MAVS: variants seen among roughly 807,000 people sequenced by gnomAD.
MAVS encodes the protein mitochondrial antiviral signaling protein.
In MAVS, 20 loss-of-function variants were observed where a neutral mutation model predicts 30.2. The observed-to-expected ratio is 0.66, with a 90% confidence interval of 0.47 to 0.96. The LOEUF is 0.96. Ranked by LOEUF, MAVS falls within the 40% of genes least tolerant of loss-of-function variation. The probability of loss-of-function intolerance (pLI) is 0.00; values close to 1 mark genes in which losing one functional copy is unlikely to be tolerated. For synonymous variants in MAVS, 278 were observed against 293.9 expected, an observed-to-expected ratio of 0.95 and a Z score of 0.55; for missense variants, 624 against 701.1, an observed-to-expected ratio of 0.89 and a Z score of 1.24.
chr20:3,864,922 G>A (rs1481016180), intron 6 of MAVS, 134 bp downstream of exon 6: 1 of 1,094,842 alleles, frequency 9.1e-7, no homozygotes, highest in Non-Finnish European at 1.3e-6. Flanking sequence ...CTCTCCTTGA[G>A]GGCATACAGA....
At position 3,868,972 on chromosome 20, in the gene MAVS, C is replaced by T. The variant is rs1012424911; in HGVS notation, c.*2825C>T. ...CATGTAGAAAGGGTTGAGGGACCTT[C>T]CCAGTCCCCTAGCCCCGCCTCCCAT... On this transcript the variant is annotated 3_prime_UTR_variant, in exon 7 of 7. Transcript: ENST00000428216. 1.3e-5 allele frequency: 2 copies of T among 152,288 alleles called. No homozygotes were observed. Among genetic ancestry groups the T allele is most frequent in the Admixed American group, 6.6e-5 (1 of 15,260 alleles). 9.4% of individuals were successfully genotyped at this position (152,288 alleles called of 1,614,324 possible). A position where few individuals can be genotyped will look rare whatever the true frequency, so the allele number is the denominator to read the frequency against.
At chr20:3,858,093 C>A (rs185323127) in intron 3 of MAVS, among the ~76,000 whole-genome samples, 95 of 152,220 alleles carry the variant, frequency 6.2e-4, no homozygotes, top group African/African-American at 2.3e-3. Context: ...CGGGACGATG[C>A]GTGTTGAGTA....
chr20:3,851,685 G>A (rs1002504361), intron 1 of MAVS, among the ~76,000 whole-genome samples: 1 of 151,832 alleles, frequency 6.6e-6, no homozygotes, highest in Non-Finnish European at 1.5e-5. Context: ...GCCGGGCATG[G>A]TGGCTCACGC....
At chr20:3,858,802 T>TC (rs896663939) in intron 3 of MAVS, among the ~76,000 whole-genome samples, 12 of 151,706 alleles carry the variant, frequency 7.9e-5, no homozygotes, top group South Asian at 4.2e-4. Context: ...CTCTCTCTTT[T>TC]TTTTTTTTCC....
At position 3,874,247 on chromosome 20, in the gene MAVS, T is replaced by C; in HGVS notation, c.*8100T>C. The C allele has an allele frequency of 2.5e-6, 1 of 398,590 alleles. No individual in the cohort carries two copies. Among genetic ancestry groups the C allele is most frequent in the Non-Finnish European group, 4.4e-6 (1 of 226,058 alleles). 24.7% of individuals were successfully genotyped at this position (398,590 alleles called of 1,614,324 possible). On this transcript the variant is annotated 3_prime_UTR_variant, in exon 7 of 7. Coordinates refer to ENST00000428216, the MANE Select transcript of MAVS (RefSeq NM_020746.5). ...AATAAGCAAAACTGATCCATGGTGT[T>C]AGAAGCCAGGGGAACAGTTAACAGG...
rs1018370680 is a variant in MAVS at position 3,874,903 on chromosome 20, C to T, written c.*8756C>T. 1 of 152,408 alleles carries T rather than the reference C, an allele frequency of 6.6e-6. No individual in the cohort carries two copies. Among genetic ancestry groups the T allele is most frequent in the Non-Finnish European group, 1.5e-5 (1 of 68,104 alleles). The allele number at this position is 152,408 out of a possible 1,614,324, so 9.4% of individuals were successfully genotyped here. On this transcript the variant is annotated 3_prime_UTR_variant, in exon 7 of 7. Transcript: ENST00000428216. Reference sequence around the variant, plus strand: ...GTACTTCCTCCAGCTGCCTACACCCCCCTAGGGTCAGTGGCGCCTGCCTGT... The same window carrying T: ...GTACTTCCTCCAGCTGCCTACACCCTCCTAGGGTCAGTGGCGCCTGCCTGT...
At chr20:3,854,424 C>A (rs866397489) in intron 1 of MAVS, 134 bp from the exon 2 acceptor site, 77 of 188,498 alleles carry the variant, frequency 4.1e-4, no homozygotes, top group African/African-American at 9.4e-4. Flanking sequence ...GACTCGCTCT[C>A]AAAAAAAAAA....
intron 2 of MAVS, among the ~76,000 whole-genome samples, chr20:3,855,047 C>T (rs898159852): frequency 3.2e-4 from 49 of 152,040 alleles, no homozygotes; most frequent in African/African-American, 8.5e-4. Flanking sequence ...CGTGCCACCA[C>T]GCCCAGCTAA....
intron 3 of MAVS, 187 bp downstream of exon 3, chr20:3,857,996 C>G (rs2089828046): frequency 4.5e-6 from 3 of 665,874 alleles, no homozygotes; most frequent in Non-Finnish European, 2.6e-6. Flanking sequence ...GGCCAAGTCC[C>G]TTAATTTCCC....
chr20:3,863,632 T>C (rs2089882907), intron 5 of MAVS, among the ~76,000 whole-genome samples: 2 of 152,104 alleles, frequency 1.3e-5, no homozygotes, highest in Non-Finnish European at 2.9e-5. Flanking sequence ...GGGCTTGGCA[T>C]GTGCATTCCG....
intron 3 of MAVS, among the ~76,000 whole-genome samples, chr20:3,860,678 T>G: frequency 6.7e-6 from 1 of 150,364 alleles, no homozygotes. Flanking sequence ...TCTGGCTTCT[T>G]TTTCTTTTTT....
At position 3,857,726 on chromosome 20, in the gene MAVS, A is replaced by G; in HGVS notation, c.209A>G (p.Glu70Gly). 1 of 1,614,176 alleles carries G rather than the reference A, an allele frequency of 6.2e-7. No homozygotes were observed. The highest frequency in any genetic ancestry group is 8.5e-7 in the Non-Finnish European group (1 of 1,180,022). The change falls in exon 3 of 7, where the codon GAG becomes GGG. Residue 70 changes from glutamate (E) to glycine (G), a missense_variant. Transcript: ENST00000428216. ...NTLQRRPGWV[E>G]YFIAALRGCE... is the part of the protein sequence containing the mutation. ...CTTCAGCGGCGGCCCGGCTGGGTGG[A>G]GTACTTCATTGCGGCACTGAGGGGC...
In MAVS at chr20:3,864,784, A is replaced by G; in HGVS notation, c.1154A>G (p.Asn385Ser). The G allele has an allele frequency of 6.2e-7, 1 of 1,613,172 alleles. No homozygotes were observed. The highest frequency in any genetic ancestry group is 8.5e-7 in the Non-Finnish European group (1 of 1,179,454). ...GTCCCCACTGACGGGAGCAGCAGAA[A>G]TGAGGTGAGTCCTCGCCCTTCCTGG... is the stretch of plus-strand genomic sequence containing the variant. ...STVPTDGSSR[N>S]EETPAAPTPA... is the part of the protein sequence containing the mutation. Residue 385 changes from asparagine to serine, a missense_variant, in exon 6 of 7, where the codon AAT becomes AGT. By Grantham distance (46) the Asn-to-Ser change is conservative (BLOSUM62 1). Coordinates refer to ENST00000428216, the MANE Select transcript of MAVS (RefSeq NM_020746.5).
chr20:3,864,541 C>T lies in MAVS; in HGVS notation c.911C>T (p.Pro304Leu), dbSNP rs1183738853. 1 of 1,614,170 alleles carries T rather than the reference C, an allele frequency of 6.2e-7. No individual in the cohort carries two copies. Among genetic ancestry groups the T allele is most frequent in the Non-Finnish European group, 8.5e-7 (1 of 1,180,042 alleles). ...LPSKVPTTLM[P>L]VNTVALKVPA... ...TCCAAAGTGCCTACCACCTTGATGC[C>T]TGTGAACACAGTGGCCCTGAAAGTG... Residue 304 changes from proline to leucine, a missense_variant, in exon 6 of 7, where the codon CCT becomes CTT. Pro to Leu is a moderately conservative substitution (Grantham distance 98). Transcript: ENST00000428216.
chr20:3,857,137 CCT>C (rs1451956527), intron 2 of MAVS, among the ~76,000 whole-genome samples: 56 of 152,056 alleles, frequency 3.7e-4, no homozygotes, highest in Admixed American at 3.6e-3. Context: ...TTGTCGGCCC[CCT>C]CTCTTTCCGT....
intron 1 of MAVS, among the ~76,000 whole-genome samples, chr20:3,848,153 G>T (rs1048818589): frequency 1.3e-5 from 2 of 151,828 alleles, no homozygotes; most frequent in African/African-American, 4.8e-5. Context: ...AGGCTGGAGC[G>T]CAGTGGTCCA....
At chr20:3,856,781 C>T (rs545028892) in intron 2 of MAVS, among the ~76,000 whole-genome samples, 8 of 152,098 alleles carry the variant, frequency 5.3e-5, no homozygotes, top group African/African-American at 1.9e-4. Flanking sequence ...CGCCTGTAAT[C>T]CCAGCGCTTT....
intron 1 of MAVS, among the ~76,000 whole-genome samples, chr20:3,850,436 C>A (rs1568531351): frequency 7.0e-5 from 10 of 141,890 alleles, no homozygotes. Flanking sequence ...ACTAAAAATA[C>A]AAAATTAGCG....
chr20:3,864,336 A>G lies in MAVS; in HGVS notation c.706A>G (p.Arg236Gly), dbSNP rs774387091. 1.9e-6 allele frequency: 3 copies of G among 1,613,710 alleles called. No individual in the cohort carries two copies. Among genetic ancestry groups the G allele is most frequent in the South Asian group, 1.1e-5 (1 of 91,064 alleles). Reference protein sequence around the residue: ...SFQPLARSTPRASRLPGPTGS... With the variant: ...SFQPLARSTPGASRLPGPTGS... ...CCAGCCCCTGGCCCGTTCCACCCCCAGGGCAAGCCGCTTGCCTGGACCCAC... is the reference window on the plus strand; with the variant it reads ...CCAGCCCCTGGCCCGTTCCACCCCCGGGGCAAGCCGCTTGCCTGGACCCAC... The change falls in exon 6 of 7, where the codon AGG becomes GGG. Residue 236 changes from arginine (R) to glycine (G), a missense_variant. Arg to Gly is a moderately radical substitution (Grantham distance 125). Coordinates refer to ENST00000428216, the MANE Select transcript of MAVS (RefSeq NM_020746.5).
Sources: allele counts gnomAD v4.1 joint callset (sites outside exome capture counted in the v4.1 genomes callset), GRCh38; gene constraint gnomAD v4.1.1; transcripts MANE v1.5; gene names NCBI Gene and HGNC (gene_info 2026-07-23, HGNC 2026-07-21).